GPT2: variants seen among roughly 807,000 people sequenced by gnomAD.
GPT2 encodes the protein glutamic--pyruvic transaminase 2.
In GPT2, 30 loss-of-function variants were observed where a neutral mutation model predicts 56.9. The observed-to-expected ratio is 0.53, with a 90% confidence interval of 0.39 to 0.72. The LOEUF is 0.72. GPT2 is among the 30% of genes least tolerant of loss of function. GPT2 has a pLI of 0.00. For synonymous variants in GPT2, 271 were observed against 283.1 expected (o/e 0.96, Z 0.43); for missense variants, 542 against 703.4 (o/e 0.77, Z 2.60).
intron 9 of GPT2, chr16:46,923,702 AC>A (rs2143556422): frequency 6.5e-6 from 1 of 154,246 alleles, no homozygotes; most frequent in Non-Finnish European, 1.4e-5. Context: ...CCGTGGACAT[AC>A]GCCCAGCTCA....
rs1960711602 is a variant in GPT2 at position 46,897,748 on chromosome 16, C to T, written c.333+11C>T. 2 of 1,613,376 alleles carry T rather than the reference C, an allele frequency of 1.2e-6. No homozygotes were observed. The highest frequency in any genetic ancestry group is 1.7e-6 in the Non-Finnish European group (2 of 1,179,550). ...ACCTTCCTCCGGCAGGTGAGCCGCC[C>T]CCAGGAGCAGAGGCTGCAGGAGGGC... is the stretch of plus-strand genomic sequence containing the variant. On this transcript the variant is annotated intron_variant, in intron 3 of 11. Transcript: ENST00000340124.
intron 4 of GPT2, among the ~76,000 whole-genome samples, chr16:46,901,730 C>T (rs921308256): frequency 2.6e-5 from 4 of 152,176 alleles, no homozygotes; most frequent in Non-Finnish European, 5.9e-5. Context: ...TTTTCTGCTC[C>T]GTCCCTTATT....
At chr16:46,904,069 G>A (rs550838070) in intron 4 of GPT2, among the ~76,000 whole-genome samples, 5 of 152,354 alleles carry the variant, frequency 3.3e-5, no homozygotes, top group Non-Finnish European at 7.3e-5. Context: ...AGGGGCCCTA[G>A]GGCAGTGGTG....
Position 46,915,712 on chromosome 16 carries a change from ACACT to A in GPT2, c.821-913_821-910del, listed in dbSNP as rs138224524. 3.1e-3 allele frequency: 443 copies of A among 144,692 alleles called. 1 individual carries two copies. The highest frequency in any genetic ancestry group is 5.5e-3 in the Non-Finnish European group (365 of 66,276). The allele number at this position is 144,692 out of a possible 1,614,324, so 9.0% of individuals were successfully genotyped here. ...ACACACACCACACACAGATACACAC[ACACT>A]CATACCCCCACCACACCCACACACA... On this transcript the variant is annotated intron_variant, in intron 6 of 11. Coordinates refer to ENST00000340124, the MANE Select transcript of GPT2 (RefSeq NM_133443.4).
rs545064551 is a variant in GPT2 at position 46,909,721 on chromosome 16, C to T, written c.614C>T (p.Ser205Leu). Reference protein sequence around the residue: ...LKILVSGGGKSRTGVMIPIPQ... With the variant: ...LKILVSGGGKLRTGVMIPIPQ... ...ATCCTCGTCTCCGGGGGCGGCAAGT[C>T]ACGGACAGGTGTGATGATCCCCATC... Residue 205 changes from serine (S) to leucine (L), a missense_variant, in exon 6 of 12, where the codon TCA becomes TTA. By Grantham distance (145) the Ser-to-Leu change is moderately radical. Transcript: ENST00000340124. 1 of 1,614,050 alleles carries T rather than the reference C, an allele frequency of 6.2e-7. No individual in the cohort carries two copies. Among genetic ancestry groups the T allele is most frequent in the Non-Finnish European group, 8.5e-7 (1 of 1,179,976 alleles).
chr16:46,920,655 C>T (rs1342281780), intron 8 of GPT2, among the ~76,000 whole-genome samples: 2 of 152,224 alleles, frequency 1.3e-5, no homozygotes, highest in Non-Finnish European at 2.9e-5. Flanking sequence ...ATACTTCCGC[C>T]AGGTCAAGGG....
At chr16:46,893,003 A>T (rs1960613530) in intron 2 of GPT2, among the ~76,000 whole-genome samples, 1 of 152,236 alleles carries the variant, frequency 6.6e-6, no homozygotes, top group African/African-American at 2.4e-5. Flanking sequence ...TATAGATTAC[A>T]TATAATACGT....
intron 6 of GPT2, chr16:46,915,829 C>A (rs1290535200): frequency 6.8e-6 from 1 of 147,498 alleles, no homozygotes; most frequent in Non-Finnish European, 1.5e-5. Context: ...CCCCATCACA[C>A]CTACACACAC....
chr16:46,925,856 A>G (rs1355354154), intron 10 of GPT2, among the ~76,000 whole-genome samples: 2 of 151,878 alleles, frequency 1.3e-5, no homozygotes, highest in Non-Finnish European at 2.9e-5. Context: ...TCCCTGGGCC[A>G]GGTGTGGTGG....
chr16:46,924,613 G>T, intron 10 of GPT2, 69 bp downstream of exon 10: 1 of 1,551,508 alleles, frequency 6.4e-7, no homozygotes, highest in Non-Finnish European at 8.8e-7. Context: ...GGGGGCCCCT[G>T]CTTATCTTGG....
chr16:46,898,992 A>AT (rs1355515495), intron 3 of GPT2, among the ~76,000 whole-genome samples: 3 of 62,324 alleles, frequency 4.8e-5, no homozygotes, highest in African/African-American at 9.8e-5. Context: ...ATATATATAT[A>AT]ACACACATAT....
intron 4 of GPT2, among the ~76,000 whole-genome samples, chr16:46,905,294 C>T (rs2143446068): frequency 6.6e-6 from 1 of 152,196 alleles, no homozygotes; most frequent in Non-Finnish European, 1.5e-5. Context: ...GGTGATCTGC[C>T]TGCCTCAACC....
rs947532441 is a variant in GPT2 at position 46,928,998 on chromosome 16, G to A, written c.*1G>A. On this transcript the variant is annotated 3_prime_UTR_variant, in exon 12 of 12. Coordinates refer to ENST00000340124, the MANE Select transcript of GPT2 (RefSeq NM_133443.4). ...CAACTTCCTGGAGAAGTACGCGTGAGGACGCCTGAGCCCCAGCGGGAGACC... is the reference window on the plus strand; with the variant it reads ...CAACTTCCTGGAGAAGTACGCGTGAAGACGCCTGAGCCCCAGCGGGAGACC... 3 of 1,612,848 alleles carry A rather than the reference G, an allele frequency of 1.9e-6. No homozygotes were observed. In the African/African-American group the frequency reaches 4.0e-5, roughly 22 times the overall value.
At chr16:46,921,222 G>T (rs1474301081) in intron 8 of GPT2, among the ~76,000 whole-genome samples, 1 of 152,190 alleles carries the variant, frequency 6.6e-6, no homozygotes, top group Non-Finnish European at 1.5e-5. Flanking sequence ...AGGCTGGAGT[G>T]CAGAGGCGCG....
Position 46,906,972 on chromosome 16 carries a change from T to C in GPT2, c.573T>C (p.Ile191=). 1 of 1,614,176 alleles carries C rather than the reference T, an allele frequency of 6.2e-7. No individual in the cohort carries two copies. Among genetic ancestry groups the C allele is most frequent in the Non-Finnish European group, 8.5e-7 (1 of 1,180,040 alleles). Residue 191 remains isoleucine, a synonymous_variant, in exon 5 of 12, where the codon ATT becomes ATC. Coordinates refer to ENST00000340124, the MANE Select transcript of GPT2 (RefSeq NM_133443.4). ...TGACCACGGGAGCTAGTGACGGCATTTCTGTACGTGTGAGGGTGGCTCGTT... is the reference window on the plus strand; with the variant it reads ...TGACCACGGGAGCTAGTGACGGCATCTCTGTACGTGTGAGGGTGGCTCGTT... The part of the protein sequence containing the change: ...IYLTTGASDG[I]STILKILVSG...
chr16:46,885,645 T>TGGTC, intron 2 of GPT2: 1 of 592,276 alleles, frequency 1.7e-6, no homozygotes. Flanking sequence ...TTCATCTTGG[T>TGGTC]GGTCGGCCGG....
intron 8 of GPT2, among the ~76,000 whole-genome samples, chr16:46,920,639 A>G (rs1218486058): frequency 6.6e-6 from 1 of 152,222 alleles, no homozygotes; most frequent in Non-Finnish European, 1.5e-5. Flanking sequence ...CGTGAAGCTC[A>G]AAGGAATACT....
rs1324820387 is a variant in GPT2 at position 46,884,974 on chromosome 16, GC to G, written c.243+20del. 1 of 1,468,148 alleles carries G rather than the reference GC, an allele frequency of 6.8e-7. No individual in the cohort carries two copies. The highest frequency in any genetic ancestry group is 9.1e-7 in the Non-Finnish European group (1 of 1,102,142). 90.9% of individuals were successfully genotyped at this position (1,468,148 alleles called of 1,614,324 possible). On this transcript the variant is annotated intron_variant, in intron 2 of 11. Coordinates refer to ENST00000340124, the MANE Select transcript of GPT2 (RefSeq NM_133443.4). ...GCTGCAGCGGGTGAGCGCGCGCTGG[GC>G]CCCGGGGAGGCTGGGGCCGCTGAGC...
chr16:46,923,482 C>T (rs1368415006), intron 9 of GPT2, among the ~76,000 whole-genome samples: 1 of 152,214 alleles, frequency 6.6e-6, no homozygotes, highest in Non-Finnish European at 1.5e-5. Context: ...AGAGTCATGT[C>T]TTATTTGTCT....
Sources: allele counts gnomAD v4.1 joint callset (sites outside exome capture counted in the v4.1 genomes callset), GRCh38; gene constraint gnomAD v4.1.1; transcripts MANE v1.5; gene names NCBI Gene and HGNC (gene_info 2026-07-23, HGNC 2026-07-21).